CD38: variants seen among roughly 807,000 people sequenced by gnomAD.
CD38 encodes ADP-ribosyl cyclase/cyclic ADP-ribose hydrolase 1.
CD38 carries 31 observed loss-of-function variants against 36.3 expected under a neutral mutation model. The ratio of observed to expected loss-of-function variants is 0.85; its 90% CI spans 0.64 to 1.15. CD38 has a LOEUF of 1.15. CD38 is among the 50% of genes most tolerant of loss of function. The pLI, the probability that CD38 is intolerant of heterozygous loss-of-function variation, is 0.00. For missense variants in CD38, 380 were observed against 371.9 expected (o/e 1.02, Z -0.18); for synonymous variants, 131 against 135.2 (o/e 0.97, Z 0.22).
At chr4:15,804,757 G>C (rs1181628565) in intron 1 of CD38, among the ~76,000 whole-genome samples, 1 of 152,168 alleles carries the variant, frequency 6.6e-6, no homozygotes, top group Non-Finnish European at 1.5e-5. Context: ...GTGGTTACTA[G>C]AAGCTGAGAA....
chr4:15,801,982 A>G (rs1723233344), intron 1 of CD38, among the ~76,000 whole-genome samples: 2 of 152,184 alleles, frequency 1.3e-5, no homozygotes, highest in Non-Finnish European at 1.5e-5. Context: ...AAGACATCCA[A>G]ATTTGGAAGG....
intron 7 of CD38, among the ~76,000 whole-genome samples, chr4:15,841,712 G>A (rs1366423426): frequency 2.7e-5 from 4 of 149,346 alleles, no homozygotes; most frequent in South Asian, 4.3e-4. Flanking sequence ...CACACCGTGC[G>A]CGAGCCGAAG....
At chr4:15,837,568 G>A (rs1245572028) in intron 4 of CD38, among the ~76,000 whole-genome samples, 1 of 152,080 alleles carries the variant, frequency 6.6e-6, no homozygotes, top group Non-Finnish European at 1.5e-5. Context: ...TTTCTTGCAT[G>A]GAGAAATAAG....
intron 1 of CD38, among the ~76,000 whole-genome samples, chr4:15,812,444 T>A (rs1723493765): frequency 6.6e-6 from 1 of 152,210 alleles, no homozygotes; most frequent in African/African-American, 2.4e-5. Context: ...ACGCCTGTAA[T>A]CCCAGCACTT....
In CD38 at chr4:15,851,360, C is replaced by A. The variant is rs1724382655; in HGVS notation, c.*2758C>A. The A allele has an allele frequency of 6.6e-6, 1 of 152,096 alleles. No homozygotes were observed. The highest frequency in any genetic ancestry group is 6.6e-5 in the Admixed American group (1 of 15,264). The allele number at this position is 152,096 out of a possible 1,614,324, so 9.4% of individuals were successfully genotyped here. On this transcript the variant is annotated 3_prime_UTR_variant, in exon 8 of 8. Coordinates refer to ENST00000226279, the MANE Select transcript of CD38 (RefSeq NM_001775.4). The stretch of plus-strand genomic sequence containing the variant: ...ACTGGATTACTGGTTGCTCATACAC[C>A]TCATATTTTACTCGTAAATCTACTA...
intron 1 of CD38, among the ~76,000 whole-genome samples, chr4:15,787,888 G>A (rs1040754001): frequency 1.8e-4 from 28 of 152,196 alleles, no homozygotes; most frequent in African/African-American, 6.8e-4. Context: ...TTGTTCCGCC[G>A]TGCAGGGAGC....
intron 2 of CD38, among the ~76,000 whole-genome samples, chr4:15,821,669 A>G (rs1723737769): frequency 6.7e-6 from 1 of 150,024 alleles, no homozygotes; most frequent in Non-Finnish European, 1.5e-5. Flanking sequence ...CAAGTTCTAT[A>G]ATTGAGGCAG....
intron 7 of CD38, 72 bp from the exon 8 acceptor site, chr4:15,848,467 C>T (rs1724312388): frequency 9.0e-7 from 1 of 1,110,648 alleles, no homozygotes; most frequent in Non-Finnish European, 1.4e-6. Context: ...AAAGGGGCTT[C>T]CTCCATTAGC....
chr4:15,799,903 T>A (rs183517776), intron 1 of CD38, among the ~76,000 whole-genome samples: 1 of 152,248 alleles, frequency 6.6e-6, no homozygotes, highest in Admixed American at 6.5e-5. Flanking sequence ...AAAAGTCTCT[T>A]GGGTAACTGC....
At chr4:15,809,417 T>C (rs1234965475) in intron 1 of CD38, among the ~76,000 whole-genome samples, 1 of 152,218 alleles carries the variant, frequency 6.6e-6, no homozygotes. Flanking sequence ...ATTTGCGAAA[T>C]GAAGGGGTTT....
At chr4:15,801,230 T>C (rs897143245) in intron 1 of CD38, among the ~76,000 whole-genome samples, 1 of 151,734 alleles carries the variant, frequency 6.6e-6, no homozygotes, top group Non-Finnish European at 1.5e-5. Context: ...CAGGATGAGA[T>C]ACAAAATCCG....
chr4:15,797,330 A>G (rs894202567), intron 1 of CD38, among the ~76,000 whole-genome samples: 23 of 152,202 alleles, frequency 1.5e-4, no homozygotes, highest in African/African-American at 5.5e-4. Flanking sequence ...ATAGTATCCT[A>G]TTGAATGACC....
At chr4:15,780,954 C>T (rs1289828382) in intron 1 of CD38, among the ~76,000 whole-genome samples, 1 of 151,992 alleles carries the variant, frequency 6.6e-6, no homozygotes, top group Admixed American at 6.6e-5. Context: ...ACTAAAAATA[C>T]AAAATTAGCC....
At chr4:15,779,235 A>G (rs1430593381) in intron 1 of CD38, among the ~76,000 whole-genome samples, 1 of 152,220 alleles carries the variant, frequency 6.6e-6, no homozygotes, top group Non-Finnish European at 1.5e-5. Flanking sequence ...GCGCGGCCTG[A>G]AATGCATGTG....
intron 1 of CD38, among the ~76,000 whole-genome samples, chr4:15,791,082 T>C (rs1372329104): frequency 1.6e-5 from 2 of 122,794 alleles, no homozygotes; most frequent in East Asian, 2.6e-4. Context: ...AGCTGCCCCG[T>C]CCGGGAGGTG....
In CD38 at chr4:15,790,522, G is replaced by A. The variant is rs567486966; in HGVS notation, c.233+11875G>A. ...GAGTGCAGTGGCGTGATCTCGGCTCGCTACAACCTCCACCTCCCAGCCGCC... is the reference window on the plus strand; with the variant it reads ...GAGTGCAGTGGCGTGATCTCGGCTCACTACAACCTCCACCTCCCAGCCGCC... On this transcript the variant is annotated intron_variant, in intron 1 of 7. Coordinates refer to ENST00000226279, the MANE Select transcript of CD38 (RefSeq NM_001775.4). 5.0e-3 allele frequency among the ~76,000 whole-genome samples: 764 copies of A among 151,976 alleles called. 3 individuals carry two copies. Among genetic ancestry groups the A allele is most frequent in the Non-Finnish European group, 8.4e-3 (569 of 67,890 alleles).
intron 1 of CD38, among the ~76,000 whole-genome samples, chr4:15,785,581 T>G (rs1465143116): frequency 6.6e-6 from 1 of 152,134 alleles, no homozygotes; most frequent in Non-Finnish European, 1.5e-5. Flanking sequence ...CTTCTCTGCT[T>G]CTTCCTTTCT....
intron 1 of CD38, among the ~76,000 whole-genome samples, chr4:15,789,404 A>G (rs1722908742): frequency 6.6e-6 from 1 of 152,242 alleles, no homozygotes; most frequent in South Asian, 2.1e-4. Context: ...CAGCAAGATG[A>G]TAAACTCAGT....
At chr4:15,780,536 A>ACACACACACACACACACACACGCACG (rs1560303844) in intron 1 of CD38, among the ~76,000 whole-genome samples, 1 of 148,688 alleles carries the variant, frequency 6.7e-6, no homozygotes, top group African/African-American at 2.5e-5. Context: ...ACACACACAC[A>ACACACACACACACACACACACGCACG]CACACACACA....
Sources: allele counts gnomAD v4.1 joint callset (sites outside exome capture counted in the v4.1 genomes callset), GRCh38; gene constraint gnomAD v4.1.1; transcripts MANE v1.5; gene names NCBI Gene and HGNC (gene_info 2026-07-23, HGNC 2026-07-21).